The following FYB2 variants were observed in gnomAD, a reference collection of about 807,000 sequenced individuals.
The protein encoded by FYB2 is FYN binding protein 2.
FYB2 carries 103 observed loss-of-function variants against 94.1 expected under a neutral mutation model. The ratio of observed to expected loss-of-function variants is 1.09; its 90% CI spans 0.93 to 1.29. FYB2 has a LOEUF of 1.29. Among genes scored for constraint, FYB2 ranks in the 50% most tolerant of loss-of-function variants. The pLI is 0.00. For synonymous variants in FYB2, 293 were observed against 287.9 expected, an observed-to-expected ratio of 1.02 and a Z score of -0.18; for missense variants, 896 against 841.5, an observed-to-expected ratio of 1.06 and a Z score of -0.80.
At position 56,758,779 on chromosome 1, in the gene FYB2, A is replaced by C. The variant is rs551684943; in HGVS notation, c.1064-29T>G. 3.8e-6 allele frequency: 6 copies of C among 1,566,842 alleles called. No individual in the cohort carries two copies. The East Asian group carries it at 6.8e-5, about 18-fold the overall frequency. On this transcript the variant is annotated intron_variant, in intron 5 of 19. Transcript: ENST00000343433. The stretch of plus-strand genomic sequence containing the variant: ...AAGTAAACATAAAAAAATTATTTCA[A>C]GGCAGCTGATCCACCCATTTCTTAT...
At chr1:56,722,820 T>G (rs1191846657) in intron 17 of FYB2, among the ~76,000 whole-genome samples, 2 of 152,012 alleles carry the variant, frequency 1.3e-5, no homozygotes, top group African/African-American at 4.8e-5. Flanking sequence ...CAAGGGGGAA[T>G]TTTTGAAAAA....
chr1:56,761,006 T>C (rs1645479422), intron 5 of FYB2, among the ~76,000 whole-genome samples: 1 of 152,170 alleles, frequency 6.6e-6, no homozygotes, highest in African/African-American at 2.4e-5. Flanking sequence ...CACAGAGTTA[T>C]ATAACCCTCT....
chr1:56,727,348 T>A lies in FYB2; in HGVS notation c.1794-765A>T, dbSNP rs1644604838. 4.6e-5 allele frequency among the ~76,000 whole-genome samples: 7 copies of A among 152,174 alleles called. No individual in the cohort carries two copies. The South Asian group carries it at 1.5e-3, about 32-fold the overall frequency. Reference sequence around the variant, plus strand: ...TGCATTTTTTCCCCTTCTAAGTATATCTTCTAGAAAAATTCCTGCACACAT... The same window carrying A: ...TGCATTTTTTCCCCTTCTAAGTATAACTTCTAGAAAAATTCCTGCACACAT... On this transcript the variant is annotated intron_variant, in intron 15 of 19. Transcript: ENST00000343433.
intron 9 of FYB2, among the ~76,000 whole-genome samples, chr1:56,750,727 A>G (rs954226026): frequency 1.3e-5 from 2 of 151,994 alleles, no homozygotes; most frequent in African/African-American, 4.8e-5. Context: ...ATATACTGTC[A>G]GATTTGGTCC....
intron 1 of FYB2, among the ~76,000 whole-genome samples, chr1:56,802,214 T>C (rs1646538161): frequency 6.6e-6 from 1 of 152,226 alleles, no homozygotes; most frequent in African/African-American, 2.4e-5. Context: ...TATCATATTC[T>C]ATCTTATCAT....
chr1:56,805,764 T>A (rs1646631974), intron 1 of FYB2, among the ~76,000 whole-genome samples: 1 of 152,132 alleles, frequency 6.6e-6, no homozygotes, highest in African/African-American at 2.4e-5. Flanking sequence ...ATCTGATGGT[T>A]TTATAAAGGT....
At chr1:56,795,731 C>T (rs879345532) in intron 1 of FYB2, among the ~76,000 whole-genome samples, 10 of 151,824 alleles carry the variant, frequency 6.6e-5, no homozygotes, top group Admixed American at 5.9e-4. Context: ...CAGTTCTTCA[C>T]TATTTGAAGC....
At chr1:56,764,695 G>A (rs1645580061) in intron 5 of FYB2, among the ~76,000 whole-genome samples, 2 of 151,734 alleles carry the variant, frequency 1.3e-5, no homozygotes, top group East Asian at 3.9e-4. Context: ...GAAAATTCTA[G>A]TATTTCAGCC....
At chr1:56,820,165 A>T (rs775959661), upstream of FYB2, among the ~76,000 whole-genome samples, 4 of 150,676 alleles carry the variant, frequency 2.7e-5, no homozygotes, top group Non-Finnish European at 5.9e-5. Context: ...TGGGAGGCAG[A>T]CGTTGCAGTG....
rs894247191 is a variant in FYB2 at position 56,726,523 on chromosome 1, C to T, written c.1854G>A (p.Glu618=). 4.3e-6 allele frequency: 7 copies of T among 1,612,100 alleles called. No individual in the cohort carries two copies. The highest frequency in any genetic ancestry group is 1.7e-4 in the Middle Eastern group (1 of 6,038). Residue 618 remains glutamate, a synonymous_variant, in exon 16 of 20, where the codon GAG becomes GAA. Coordinates refer to ENST00000343433, the MANE Select transcript of FYB2 (RefSeq NM_001004303.5). ...TTTCTGATTCTTCAGCACCGTTTTTCTCTTTTTTTTCCTTTGGTGTCAGAA... is the reference window on the plus strand; with the variant it reads ...TTTCTGATTCTTCAGCACCGTTTTTTTCTTTTTTTTCCTTTGGTGTCAGAA... The part of the protein sequence containing the change: ...PKFLTPKEKK[E]KNGAEESESF...
In FYB2 at chr1:56,773,320, C is replaced by T. The variant is rs150444678; in HGVS notation, c.954-5382G>A. Reference sequence around the variant, plus strand: ...TAGTTAACCTCTGTATTAGGCTGTACGCTCTAGAGAAGTTGCTCATGCACC... The same window carrying T: ...TAGTTAACCTCTGTATTAGGCTGTATGCTCTAGAGAAGTTGCTCATGCACC... On this transcript the variant is annotated intron_variant, in intron 4 of 19. Coordinates refer to ENST00000343433, the MANE Select transcript of FYB2 (RefSeq NM_001004303.5). Among the ~76,000 whole-genome samples the T allele has an allele frequency of 5.9e-5, 9 of 152,246 alleles. 1 individual carries two copies. Among genetic ancestry groups the T allele is most frequent in the South Asian group, 2.1e-4 (1 of 4,818 alleles).
chr1:56,821,187 C>T (rs1291345989), upstream of FYB2, among the ~76,000 whole-genome samples: 1 of 152,222 alleles, frequency 6.6e-6, no homozygotes, highest in Non-Finnish European at 1.5e-5. Context: ...ATTGGGCTGT[C>T]AAATTCCCTT....
intron 4 of FYB2, among the ~76,000 whole-genome samples, chr1:56,769,077 C>T (rs1400226319): frequency 6.6e-6 from 1 of 152,048 alleles, no homozygotes; most frequent in Non-Finnish European, 1.5e-5. Context: ...CTCATCCTGT[C>T]ACCCAGGCTG....
At position 56,753,837 on chromosome 1, in the gene FYB2, A is replaced by G; in HGVS notation, c.1227+2T>C. On this transcript the variant is annotated splice_donor_variant, in intron 8 of 19. Transcript: ENST00000343433. LOFTEE classifies it high-confidence loss of function. ...ACTGCAGGAACCGTAGAACATAGGT[A>G]CCTTGAAAACATGGTTTGAATATGG... is the stretch of plus-strand genomic sequence containing the variant. The G allele has an allele frequency of 6.3e-7, 1 of 1,594,182 alleles. No individual in the cohort carries two copies. The highest frequency in any genetic ancestry group is 8.6e-7 in the Non-Finnish European group (1 of 1,162,416).
At chr1:56,734,358 C>A (rs1644781533) in intron 15 of FYB2, among the ~76,000 whole-genome samples, 1 of 152,022 alleles carries the variant, frequency 6.6e-6, no homozygotes, top group African/African-American at 2.4e-5. Flanking sequence ...GGTCTTGACT[C>A]TCTATCCAAT....
intron 9 of FYB2, among the ~76,000 whole-genome samples, chr1:56,747,367 C>T (rs1001443312): frequency 3.3e-5 from 5 of 151,770 alleles, no homozygotes; most frequent in African/African-American, 7.3e-5. Flanking sequence ...TTTTAAGCCC[C>T]GCATGCACTA....
chr1:56,818,481 CACACACACACACACACACAT>C (rs1335191570), intron 1 of FYB2, among the ~76,000 whole-genome samples: 2 of 151,494 alleles, frequency 1.3e-5, no homozygotes, highest in African/African-American at 4.9e-5. Context: ...CACACACACA[CACACACACACACACACACAT>C]GCACACGCAC....
chr1:56,783,475 A>G (rs933295385), intron 4 of FYB2, among the ~76,000 whole-genome samples: 7 of 152,102 alleles, frequency 4.6e-5, no homozygotes, highest in Non-Finnish European at 8.8e-5. Flanking sequence ...GAACACAAAG[A>G]CTCCTGTTTT....
intron 1 of FYB2, among the ~76,000 whole-genome samples, chr1:56,810,106 A>G (rs1471392625): frequency 1.3e-5 from 2 of 152,190 alleles, no homozygotes; most frequent in Non-Finnish European, 1.5e-5. Flanking sequence ...AGTGATTATC[A>G]TGATGATCAT....
Sources: gnomAD v4.1 joint callset for allele counts (sites outside exome capture counted in the v4.1 genomes callset) on GRCh38, gnomAD v4.1.1 for gene constraint, MANE v1.5 for transcripts, NCBI Gene and HGNC (gene_info 2026-07-23, HGNC 2026-07-21) for gene names.